The following ATP6V0A2 variants were observed in gnomAD, a reference collection of about 807,000 sequenced individuals.
ATP6V0A2 encodes the protein V-type proton ATPase 116 kDa subunit a 2.
In ATP6V0A2, 58 loss-of-function variants were observed where a neutral mutation model predicts 104.4. That is an observed-to-expected ratio of 0.56 (90% CI 0.45 to 0.69). The LOEUF (loss-of-function observed/expected upper bound fraction) is 0.69. Among genes scored for constraint, ATP6V0A2 ranks in the 30% least tolerant of loss-of-function variants. ATP6V0A2 has a pLI of 0.00. For missense variants in ATP6V0A2, 938 were observed against 1,062.9 expected, an observed-to-expected ratio of 0.88 and a Z score of 1.63; for synonymous variants, 376 against 397.9, an observed-to-expected ratio of 0.95 and a Z score of 0.65.
chr12:123,734,052 A>G, intron 7 of ATP6V0A2, 44 bp downstream of exon 7: 1 of 1,479,962 alleles, frequency 6.8e-7, no homozygotes, highest in Non-Finnish European at 9.4e-7. Flanking sequence ...CTTTATATTC[A>G]GTCACCTCTA....
intron 19 of ATP6V0A2, among the ~76,000 whole-genome samples, chr12:123,757,399 C>T (rs1566295006): frequency 6.6e-6 from 1 of 151,016 alleles, no homozygotes; most frequent in Non-Finnish European, 1.5e-5. Context: ...CGAGATCATG[C>T]CATTTTACTC....
At chr12:123,737,414 A>C (rs996138800) in intron 9 of ATP6V0A2, 143 bp downstream of exon 9, 12 of 841,946 alleles carry the variant, frequency 1.4e-5, no homozygotes, top group Non-Finnish European at 1.7e-5. Flanking sequence ...TTAAAATATT[A>C]ATTAACAAAA....
chr12:123,757,570 T>C (rs754114919), intron 19 of ATP6V0A2, among the ~76,000 whole-genome samples: 3 of 152,270 alleles, frequency 2.0e-5, no homozygotes, highest in Non-Finnish European at 4.4e-5. Flanking sequence ...CTCTGTCTTA[T>C]TGCAAGATAA....
chr12:123,748,211 C>G (rs979383200), intron 14 of ATP6V0A2, among the ~76,000 whole-genome samples: 3 of 152,170 alleles, frequency 2.0e-5, no homozygotes, highest in Non-Finnish European at 4.4e-5. Context: ...TAATTTGATG[C>G]TGTAGCTTGA....
At chr12:123,756,408 A>C (rs193115395) in intron 18 of ATP6V0A2, 2 of 161,832 alleles carry the variant, frequency 1.2e-5, no homozygotes, top group Non-Finnish European at 2.6e-5. Flanking sequence ...TGTCTCGTTC[A>C]TCTCCATTTT....
Position 123,759,111 on chromosome 12 carries a change from A to G in ATP6V0A2, c.*1079A>G, listed in dbSNP as rs1956788975. The G allele has an allele frequency of 6.5e-6, 1 of 152,692 alleles. No individual in the cohort carries two copies. Among genetic ancestry groups the G allele is most frequent in the Non-Finnish European group, 1.5e-5 (1 of 68,042 alleles). The allele number at this position is 152,692 out of a possible 1,614,324, so 9.5% of individuals were successfully genotyped here. On this transcript the variant is annotated 3_prime_UTR_variant, in exon 20 of 20. Transcript: ENST00000330342. ...TTTGAATTTAGTGACAGCTTGGCTG[A>G]TGTCACTGAACCAGAAGGGTTTATA...
intron 5 of ATP6V0A2, among the ~76,000 whole-genome samples, chr12:123,727,470 G>C (rs935382457): frequency 6.6e-6 from 1 of 152,040 alleles, no homozygotes; most frequent in Non-Finnish European, 1.5e-5. Context: ...GTAGAGACAG[G>C]GTTTCAGCAT....
At position 123,757,005 on chromosome 12, in the gene ATP6V0A2, C is replaced by G. The variant is rs1406705710; in HGVS notation, c.2465+19C>G. The G allele has an allele frequency of 6.2e-7, 1 of 1,613,912 alleles. No homozygotes were observed. The highest frequency in any genetic ancestry group is 1.3e-5 in the African/African-American group (1 of 74,926). On this transcript the variant is annotated intron_variant, in intron 19 of 19. Coordinates refer to ENST00000330342, the MANE Select transcript of ATP6V0A2 (RefSeq NM_012463.4). ...TCCACTGGTGAGTTTGAAACCTAGC[C>G]TTGGAGCTGTTATTTAAAAAACATA...
rs1228145753 is a variant in ATP6V0A2, at chr12:123,758,040, G to A, written c.*8G>A. 6.4e-7 allele frequency: 1 copy of A among 1,562,404 alleles called. No homozygotes were observed. Among genetic ancestry groups the A allele is most frequent in the Admixed American group, 1.7e-5 (1 of 59,882 alleles). On this transcript the variant is annotated 3_prime_UTR_variant, in exon 20 of 20. Transcript: ENST00000330342. ...GACGACAGTGTGGCATGATCATATT[G>A]CTGTAACCAACAAGCTTTCAGATTT...
At chr12:123,730,335 G>A (rs909038569) in intron 6 of ATP6V0A2, among the ~76,000 whole-genome samples, 1 of 151,878 alleles carries the variant, frequency 6.6e-6, no homozygotes, top group Non-Finnish European at 1.5e-5. Flanking sequence ...GATTACAGGC[G>A]TGAGCCACCA....
chr12:123,720,660 T>TA (rs2135882553), intron 2 of ATP6V0A2, among the ~76,000 whole-genome samples: 1 of 152,256 alleles, frequency 6.6e-6, no homozygotes, highest in East Asian at 1.9e-4. Context: ...CACACCACTG[T>TA]ACTCCAGCCT....
At chr12:123,736,072 C>A (rs1956550361) in intron 8 of ATP6V0A2, among the ~76,000 whole-genome samples, 1 of 151,918 alleles carries the variant, frequency 6.6e-6, no homozygotes, top group Non-Finnish European at 1.5e-5. Flanking sequence ...AGAGTTTCGC[C>A]ATGTTGCCCA....
rs190478980 is a variant in ATP6V0A2 at position 123,728,458 on chromosome 12, C to T, written c.648+549C>T. 2.7e-4 allele frequency among the ~76,000 whole-genome samples: 41 copies of T among 150,914 alleles called. No individual in the cohort carries two copies. The East Asian group carries it at 8.0e-3, about 29-fold the overall frequency. ...AGATGGGGATCTTAACTATGCTGCC[C>T]AGACTGGTCTTGAGCCATCCTCCTG... On this transcript the variant is annotated intron_variant, in intron 6 of 19. Coordinates refer to ENST00000330342, the MANE Select transcript of ATP6V0A2 (RefSeq NM_012463.4).
chr12:123,714,781 A>G (rs1593880160), intron 1 of ATP6V0A2, among the ~76,000 whole-genome samples: 1 of 152,262 alleles, frequency 6.6e-6, no homozygotes, highest in East Asian at 1.9e-4. Context: ...ACCACACAAT[A>G]GAAAAAAAAA....
rs900940694 is a variant in ATP6V0A2 at position 123,760,588 on chromosome 12, G to A, written c.*2556G>A. 1 of 152,226 alleles carries A rather than the reference G, an allele frequency of 6.6e-6. No homozygotes were observed. The highest frequency in any genetic ancestry group is 1.5e-5 in the Non-Finnish European group (1 of 68,038). 9.4% of individuals were successfully genotyped at this position (152,226 alleles called of 1,614,324 possible). A position where few individuals can be genotyped will look rare whatever the true frequency, so the allele number is the denominator to read the frequency against. On this transcript the variant is annotated 3_prime_UTR_variant, in exon 20 of 20. Transcript: ENST00000330342. ...TACTGAATATGTTTATTTTCCTAAA[G>A]ATAAATGTCACGACACGACATTTCT...
chr12:123,752,486 C>A, intron 17 of ATP6V0A2, 84 bp downstream of exon 17: 1 of 1,532,780 alleles, frequency 6.5e-7, no homozygotes, highest in Admixed American at 1.7e-5. Context: ...AATATTTAAT[C>A]ATCTTAAAAA....
intron 6 of ATP6V0A2, among the ~76,000 whole-genome samples, chr12:123,730,380 C>T (rs1956491173): frequency 6.6e-6 from 1 of 151,928 alleles, no homozygotes; most frequent in South Asian, 2.1e-4. Context: ...AACTCCTGAC[C>T]TCAGGTGATC....
chr12:123,750,083 A>G (rs1443296003), intron 15 of ATP6V0A2: 1 of 152,216 alleles, frequency 6.6e-6, no homozygotes, highest in Non-Finnish European at 1.5e-5. Flanking sequence ...ACAATGGCAT[A>G]GATACCACAG....
chr12:123,735,081 CCT>C (rs1956537844), intron 7 of ATP6V0A2, among the ~76,000 whole-genome samples: 1 of 151,854 alleles, frequency 6.6e-6, no homozygotes, highest in African/African-American at 2.4e-5. Flanking sequence ...GCTGAGTGGC[CCT>C]GAGAGGACCT....
Sources: gnomAD v4.1 joint callset for allele counts (sites outside exome capture counted in the v4.1 genomes callset) on GRCh38, gnomAD v4.1.1 for gene constraint, MANE v1.5 for transcripts, NCBI Gene and HGNC (gene_info 2026-07-23, HGNC 2026-07-21) for gene names.